The following GREB1L variants were observed in gnomAD, a reference collection of about 807,000 sequenced individuals.
GREB1L encodes the protein GREB1 like retinoic acid receptor coactivator.
A neutral mutation model predicts 200.8 loss-of-function variants in GREB1L; 17 were observed. The ratio of observed to expected loss-of-function variants is 0.08; its 90% CI spans 0.06 to 0.13. The LOEUF is 0.13. GREB1L is among the 10% of genes least tolerant of loss of function. The pLI, the probability that GREB1L is intolerant of heterozygous loss-of-function variation, is 1.00. For missense variants in GREB1L, 1,657 were observed against 2,367.7 expected (o/e 0.70, Z 6.23); for synonymous variants, 789 against 893.0 (o/e 0.88, Z 2.08).
At chr18:21,440,006 T>C (rs2033805860) in intron 8 of GREB1L, among the ~76,000 whole-genome samples, 1 of 152,114 alleles carries the variant, frequency 6.6e-6, no homozygotes, top group Admixed American at 6.5e-5. Flanking sequence ...CTCCACAAGG[T>C]TGTGGGTAGA....
chr18:21,242,896 G>A (rs1271322974), intron 1 of GREB1L, among the ~76,000 whole-genome samples: 1 of 152,172 alleles, frequency 6.6e-6, no homozygotes, highest in Non-Finnish European at 1.5e-5. Context: ...CCGCGGAGGT[G>A]GCGGGGAGAG....
chr18:21,522,835 C>G lies in GREB1L; in HGVS notation c.*14C>G. 1 of 1,528,862 alleles carries G rather than the reference C, an allele frequency of 6.5e-7. No homozygotes were observed. The highest frequency in any genetic ancestry group is 8.8e-7 in the Non-Finnish European group (1 of 1,136,114). The allele number at this position is 1,528,862 out of a possible 1,614,324, so 94.7% of individuals were successfully genotyped here. ...CGTCATGTATGAGCTTTTGAAGAGACCAAAACAGCAAAAAGATGCCTAGGT... is the reference window on the plus strand; with the variant it reads ...CGTCATGTATGAGCTTTTGAAGAGAGCAAAACAGCAAAAAGATGCCTAGGT... On this transcript the variant is annotated 3_prime_UTR_variant, in exon 33 of 33. Transcript: ENST00000424526.
At position 21,460,738 on chromosome 18, in the gene GREB1L, T is replaced by C. The variant is rs114765420; in HGVS notation, c.2182+6175T>C. Reference sequence around the variant, plus strand: ...AACCCCAGACTTCATCCCTCATCCTTCTCTCTTAGCAAATGACCATGCTAC... The same window carrying C: ...AACCCCAGACTTCATCCCTCATCCTCCTCTCTTAGCAAATGACCATGCTAC... On this transcript the variant is annotated intron_variant, in intron 15 of 32. Coordinates refer to ENST00000424526, the MANE Select transcript of GREB1L (RefSeq NM_001142966.3). Among the ~76,000 whole-genome samples the C allele has an allele frequency of 2.2e-3, 335 of 151,762 alleles. 1 individual carries two copies. Among genetic ancestry groups the C allele is most frequent in the African/African-American group, 7.6e-3 (313 of 41,376 alleles).
chr18:21,483,752 T>G (rs2036010129), intron 17 of GREB1L, among the ~76,000 whole-genome samples: 1 of 151,998 alleles, frequency 6.6e-6, no homozygotes, highest in South Asian at 2.1e-4. Context: ...CGAGGCAGGT[T>G]GATCACCTGA....
chr18:21,516,839 C>A (rs2037435155), intron 30 of GREB1L, 85 bp downstream of exon 30: 18 of 996,598 alleles, frequency 1.8e-5, no homozygotes, highest in Middle Eastern at 2.2e-4. Context: ...GCATTAAGCA[C>A]TTTCTATTTT....
Position 21,496,649 on chromosome 18 carries a change from C to T in GREB1L, c.3342C>T (p.Ile1114=), listed in dbSNP as rs1359128980. The T allele has an allele frequency of 2.3e-5, 35 of 1,551,482 alleles. No homozygotes were observed. Among genetic ancestry groups the T allele is most frequent in the African/African-American group, 2.7e-5 (2 of 73,032 alleles). The part of the protein sequence containing the change: ...VSENDSDELL[I]DLERPQSNSS... ...AGAATGACTCCGATGAGCTGCTCAT[C>T]GACCTGGAGCGGCCCCAGAGCAACA... Residue 1114 remains isoleucine, a synonymous_variant, in exon 21 of 33, where the codon ATC becomes ATT. Coordinates refer to ENST00000424526, the MANE Select transcript of GREB1L (RefSeq NM_001142966.3).
At chr18:21,342,130 A>G (rs770872870) in intron 1 of GREB1L, among the ~76,000 whole-genome samples, 17 of 152,180 alleles carry the variant, frequency 1.1e-4, no homozygotes, top group Non-Finnish European at 2.5e-4. Context: ...CTCTAAATGC[A>G]TTTGTAAAAT....
intron 6 of GREB1L, 71 bp downstream of exon 6, chr18:21,401,397 A>T: frequency 7.8e-7 from 1 of 1,286,130 alleles, no homozygotes; most frequent in East Asian, 2.5e-5. Context: ...CCCATACAAG[A>T]TTCAGAGTTC....
At chr18:21,466,190 C>A (rs2035256234) in intron 15 of GREB1L, among the ~76,000 whole-genome samples, 1 of 152,114 alleles carries the variant, frequency 6.6e-6, no homozygotes, top group Non-Finnish European at 1.5e-5. Context: ...TTAAAAAGCA[C>A]AATTCTACTA....
chr18:21,521,362 A>G (rs1212681032), intron 32 of GREB1L, among the ~76,000 whole-genome samples: 1 of 149,472 alleles, frequency 6.7e-6, no homozygotes, highest in Non-Finnish European at 1.5e-5. Context: ...CAACAGTGAA[A>G]CTCCATCTCA....
At chr18:21,346,799 G>C (rs552319037) in intron 1 of GREB1L, among the ~76,000 whole-genome samples, 1 of 152,284 alleles carries the variant, frequency 6.6e-6, no homozygotes, top group African/African-American at 2.4e-5. Context: ...TGCCATCAAT[G>C]TGTGGCTTCC....
At chr18:21,404,290 A>G (rs1225739291) in intron 7 of GREB1L, among the ~76,000 whole-genome samples, 2 of 152,208 alleles carry the variant, frequency 1.3e-5, no homozygotes, top group Admixed American at 6.5e-5. Flanking sequence ...GGGAGTCTGC[A>G]TCATAGCCAT....
rs1300626290 is a variant in GREB1L at position 21,523,193 on chromosome 18, T to A, written c.*372T>A. On this transcript the variant is annotated 3_prime_UTR_variant, in exon 33 of 33. Transcript: ENST00000424526. ...GTCAGGATTAACTAGCCTGAATGTG[T>A]TACATGAGACTCATGCCATTGGTGT... The A allele has an allele frequency of 1.8e-5, 3 of 164,258 alleles. No individual in the cohort carries two copies. The highest frequency in any genetic ancestry group is 7.2e-5 in the African/African-American group (3 of 41,734). The allele number at this position is 164,258 out of a possible 1,614,324, so 10.2% of individuals were successfully genotyped here.
chr18:21,263,334 A>C (rs1439529904), intron 1 of GREB1L, among the ~76,000 whole-genome samples: 3 of 152,208 alleles, frequency 2.0e-5, no homozygotes, highest in African/African-American at 7.2e-5. Flanking sequence ...GTCTTCGTCC[A>C]TTACAAAAAT....
At chr18:21,489,646 GAGTCTTGTTA>G (rs2036254243) in intron 18 of GREB1L, among the ~76,000 whole-genome samples, 1 of 152,098 alleles carries the variant, frequency 6.6e-6, no homozygotes, top group Non-Finnish European at 1.5e-5. Context: ...AATTCCCTGG[GAGTCTTGTTA>G]AGCTTCAGAT....
intron 2 of GREB1L, among the ~76,000 whole-genome samples, chr18:21,371,603 T>G (rs989145158): frequency 4.0e-5 from 6 of 151,844 alleles, no homozygotes; most frequent in African/African-American, 1.2e-4. Flanking sequence ...CTGGCTTACA[T>G]GGTGAAACCC....
intron 1 of GREB1L, among the ~76,000 whole-genome samples, chr18:21,352,826 A>G (rs1282205382): frequency 2.6e-5 from 4 of 152,148 alleles, no homozygotes; most frequent in African/African-American, 4.8e-5. Context: ...CATCACCCAC[A>G]TAATGTGATT....
At chr18:21,253,586 T>C (rs935575291) in intron 1 of GREB1L, among the ~76,000 whole-genome samples, 9 of 152,190 alleles carry the variant, frequency 5.9e-5, no homozygotes, top group African/African-American at 2.2e-4. Context: ...AAAAACCGAA[T>C]ATACCACATT....
chr18:21,293,351 T>A (rs2144608421), intron 1 of GREB1L, among the ~76,000 whole-genome samples: 1 of 152,278 alleles, frequency 6.6e-6, no homozygotes, highest in East Asian at 1.9e-4. Context: ...CATTCACCCA[T>A]TGAAGGTGGT....
Sources: gnomAD v4.1 joint callset for allele counts (sites outside exome capture counted in the v4.1 genomes callset) on GRCh38, gnomAD v4.1.1 for gene constraint, MANE v1.5 for transcripts, NCBI Gene and HGNC (gene_info 2026-07-23, HGNC 2026-07-21) for gene names.